Variants in TSPAN19 observed in about 807,000 individuals in gnomAD.
TSPAN19 encodes the protein tetraspanin 19.
In TSPAN19, 44 loss-of-function variants were observed where a neutral mutation model predicts 35.1. That is an observed-to-expected ratio of 1.25 (90% CI 0.98 to 1.61). The LOEUF is 1.61. TSPAN19 is among the 40% of genes most tolerant of loss of function. TSPAN19 has a pLI of 0.00. For synonymous variants in TSPAN19, 79 were observed against 92.0 expected, an observed-to-expected ratio of 0.86 and a Z score of 0.81; for missense variants, 290 against 280.0, an observed-to-expected ratio of 1.04 and a Z score of -0.26.
intron 6 of TSPAN19, among the ~76,000 whole-genome samples, chr12:85,018,799 A>T (rs566196865): frequency 6.6e-6 from 1 of 152,024 alleles, no homozygotes; most frequent in African/African-American, 2.4e-5. Flanking sequence ...TTAAATTACT[A>T]AATTTCTCAG....
intron 5 of TSPAN19, 39 bp downstream of exon 5, chr12:85,023,287 A>T (rs1877217296): frequency 6.6e-7 from 1 of 1,515,160 alleles, no homozygotes; most frequent in South Asian, 1.2e-5. Flanking sequence ...TTTAAACTTC[A>T]AATAACAGGA....
At chr12:85,029,290 T>C (rs1877570221) in intron 3 of TSPAN19, among the ~76,000 whole-genome samples, 1 of 152,084 alleles carries the variant, frequency 6.6e-6, no homozygotes, top group East Asian at 1.9e-4. Context: ...ATGGTTAAAA[T>C]TGCATTTTTA....
chr12:85,020,483 TCAGAATA>T (rs1490170319), intron 5 of TSPAN19, among the ~76,000 whole-genome samples: 1 of 152,014 alleles, frequency 6.6e-6, no homozygotes, highest in East Asian at 1.9e-4. Flanking sequence ...CTATCAGGGC[TCAGAATA>T]CAACAGCTCC....
chr12:85,022,640 T>TGAAG, intron 5 of TSPAN19, among the ~76,000 whole-genome samples: 1 of 152,124 alleles, frequency 6.6e-6, no homozygotes, highest in Non-Finnish European at 1.5e-5. Flanking sequence ...CCTAACCATA[T>TGAAG]TCATATCTGT....
chr12:85,023,542 A>G (rs544699086), intron 4 of TSPAN19, 142 bp from the exon 5 acceptor site: 1 of 578,846 alleles, frequency 1.7e-6, no homozygotes, highest in African/African-American at 1.9e-5. Context: ...GCCTTCACAA[A>G]TATGAATGAA....
intron 1 of TSPAN19, among the ~76,000 whole-genome samples, chr12:85,031,246 A>G (rs2135817590): frequency 6.6e-6 from 1 of 152,208 alleles, no homozygotes; most frequent in South Asian, 2.1e-4. Context: ...CTTATTCTTT[A>G]ATTCCTCTAA....
At chr12:85,022,512 A>G (rs971168085) in intron 5 of TSPAN19, among the ~76,000 whole-genome samples, 1 of 152,144 alleles carries the variant, frequency 6.6e-6, no homozygotes, top group Non-Finnish European at 1.5e-5. Flanking sequence ...CTGAAACTTG[A>G]TAAATTGTCA....
At chr12:85,035,731 A>G (rs1250775480) in intron 1 of TSPAN19, among the ~76,000 whole-genome samples, 1 of 152,122 alleles carries the variant, frequency 6.6e-6, no homozygotes, top group East Asian at 1.9e-4. Context: ...CTCCACAAAA[A>G]ACTTTAATAA....
intron 5 of TSPAN19, among the ~76,000 whole-genome samples, chr12:85,021,581 T>A (rs953356937): frequency 6.6e-6 from 1 of 152,058 alleles, no homozygotes; most frequent in African/African-American, 2.4e-5. Flanking sequence ...ATAAGTACTT[T>A]CCTATGTAAC....
At chr12:85,015,541 T>TATATACACACAC (rs374178837) in intron 8 of TSPAN19, 2 of 146,788 alleles carry the variant, frequency 1.4e-5, no homozygotes, top group African/African-American at 5.1e-5. Context: ...TATGAACATA[T>TATATACACACAC]ACACACACAC....
chr12:85,033,258 G>C (rs989828613), intron 1 of TSPAN19, among the ~76,000 whole-genome samples: 7 of 152,056 alleles, frequency 4.6e-5, no homozygotes, highest in Admixed American at 3.9e-4. Flanking sequence ...TGAGGTGTAA[G>C]GAGGCATGGA....
At position 85,015,869 on chromosome 12, in the gene TSPAN19, CAT is replaced by C. The variant is rs1276951808; in HGVS notation, c.678+17_678+18del. ...TTATACTTAATATTTTTCATTTTAA[CAT>C]ATGAACAAAAGCTTACCTCTGAAGT... On this transcript the variant is annotated intron_variant, in intron 8 of 8. Coordinates refer to ENST00000532498, the MANE Select transcript of TSPAN19 (RefSeq NM_001100917.2). 1 of 1,510,704 alleles carries C rather than the reference CAT, an allele frequency of 6.6e-7. No homozygotes were observed. The highest frequency in any genetic ancestry group is 9.0e-7 in the Non-Finnish European group (1 of 1,115,306). 93.6% of individuals were successfully genotyped at this position (1,510,704 alleles called of 1,614,324 possible). A position where few individuals can be genotyped will look rare whatever the true frequency, so the allele number is the denominator to read the frequency against.
intron 1 of TSPAN19, among the ~76,000 whole-genome samples, chr12:85,033,244 A>G (rs567822734): frequency 6.6e-6 from 1 of 152,234 alleles, no homozygotes; most frequent in African/African-American, 2.4e-5. Flanking sequence ...CAGAAGCTTT[A>G]TAATGAGGTG....
intron 4 of TSPAN19, among the ~76,000 whole-genome samples, chr12:85,026,309 C>A (rs967428798): frequency 2.6e-5 from 4 of 151,998 alleles, no homozygotes; most frequent in African/African-American, 9.7e-5. Flanking sequence ...AAATCTGAAG[C>A]TCAGTGAGAA....
chr12:85,027,452 T>TA (rs1436877639), intron 4 of TSPAN19, among the ~76,000 whole-genome samples: 3 of 152,060 alleles, frequency 2.0e-5, no homozygotes, highest in African/African-American at 2.4e-5. Flanking sequence ...GTTGAAATTA[T>TA]AAAAAAATAC....
chr12:85,031,894 T>C (rs1738331457), intron 1 of TSPAN19, among the ~76,000 whole-genome samples: 1 of 151,500 alleles, frequency 6.6e-6, no homozygotes, highest in African/African-American at 2.4e-5. Context: ...GAAAAGAAAA[T>C]AGGGTGGTGA....
intron 3 of TSPAN19, among the ~76,000 whole-genome samples, chr12:85,029,032 T>C (rs1407082468): frequency 6.6e-6 from 1 of 152,162 alleles, no homozygotes; most frequent in East Asian, 1.9e-4. Context: ...CTCAGCTTTG[T>C]TGGCACTTAC....
intron 1 of TSPAN19, among the ~76,000 whole-genome samples, chr12:85,031,068 T>C (rs1220684030): frequency 6.6e-6 from 1 of 152,164 alleles, no homozygotes; most frequent in African/African-American, 2.4e-5. Flanking sequence ...AAAAAAGAGA[T>C]GTCTACATTA....
chr12:85,034,175 T>C (rs572545734), intron 1 of TSPAN19, among the ~76,000 whole-genome samples: 54 of 152,240 alleles, frequency 3.5e-4, no homozygotes, highest in African/African-American at 1.3e-3. Flanking sequence ...ATGAGCTACA[T>C]AGTAAATTAC....
Sources: gnomAD v4.1 joint callset for allele counts (sites outside exome capture counted in the v4.1 genomes callset) on GRCh38, gnomAD v4.1.1 for gene constraint, MANE v1.5 for transcripts, NCBI Gene and HGNC (gene_info 2026-07-23, HGNC 2026-07-21) for gene names.